The following MYLK variants were observed in gnomAD, a reference collection of about 807,000 sequenced individuals.
MYLK encodes myosin light chain kinase, smooth muscle.
In MYLK, 106 loss-of-function variants were observed where a neutral mutation model predicts 203.4. The observed-to-expected ratio is 0.52, with a 90% CI of 0.45 to 0.61. The LOEUF (loss-of-function observed/expected upper bound fraction) is 0.61. MYLK is among the 20% of genes least tolerant of loss of function. The probability of loss-of-function intolerance (pLI) is 0.00; values close to 1 mark genes in which losing one functional copy is unlikely to be tolerated. For missense variants in MYLK, 2,072 were observed against 2,442.3 expected (o/e 0.85, Z 3.20); for synonymous variants, 867 against 959.5 (o/e 0.90, Z 1.78).
At chr3:123,827,750 A>ATAG (rs1560269132) in intron 3 of MYLK, among the ~76,000 whole-genome samples, 31 of 90,816 alleles carry the variant, frequency 3.4e-4, no homozygotes, top group African/African-American at 9.6e-4. Context: ...TATATATATA[A>ATAG]AGACTCTACC....
intron 3 of MYLK, 132 bp downstream of exon 3, chr3:123,831,416 G>C (rs2148623434): frequency 7.8e-7 from 1 of 1,289,556 alleles, no homozygotes; most frequent in Non-Finnish European, 1.0e-6. Flanking sequence ...AGCTGGCCAG[G>C]TGCCATCTCA....
At chr3:123,769,376 G>A (rs1235491931) in intron 4 of MYLK, among the ~76,000 whole-genome samples, 1 of 152,166 alleles carries the variant, frequency 6.6e-6, no homozygotes, top group Admixed American at 6.5e-5. Flanking sequence ...CAGTAACACG[G>A]GTTATGTTTC....
Position 123,664,211 on chromosome 3 carries a change from G to A in MYLK, c.3879C>T (p.Ser1293=). Residue 1293 remains serine, a synonymous_variant, in exon 23 of 34, where the codon AGC becomes AGT. Transcript: ENST00000360304. ...HMKVENSENG[S]KLTILAARQE... ...GGCGCGCGGCCAGGATGGTGAGCTTGCTGCCATTCTCGCTGTTCTCCACCT... is the reference window on the plus strand; with the variant it reads ...GGCGCGCGGCCAGGATGGTGAGCTTACTGCCATTCTCGCTGTTCTCCACCT... 1 of 1,614,178 alleles carries A rather than the reference G, an allele frequency of 6.2e-7. No homozygotes were observed. Among genetic ancestry groups the A allele is most frequent in the Non-Finnish European group, 8.5e-7 (1 of 1,180,028 alleles).
chr3:123,745,640 G>T (rs892625436), intron 5 of MYLK, among the ~76,000 whole-genome samples: 97 of 152,134 alleles, frequency 6.4e-4, no homozygotes, highest in African/African-American at 2.0e-3. Context: ...TAGTACAGGG[G>T]ATGAAGTACC....
chr3:123,709,611 T>G, intron 14 of MYLK, 145 bp downstream of exon 14: 1 of 1,004,588 alleles, frequency 1.0e-6, no homozygotes, highest in Non-Finnish European at 1.6e-6. Flanking sequence ...AGGACAAGAG[T>G]CTCCATTTCT....
intron 8 of MYLK, 66 bp from the exon 9 acceptor site, chr3:123,735,482 C>A: frequency 6.3e-7 from 1 of 1,579,522 alleles, no homozygotes; most frequent in Non-Finnish European, 8.7e-7. Flanking sequence ...ATTTCCCTCC[C>A]CAGGCACTTC....
In MYLK at chr3:123,649,214, G is replaced by A. The variant is rs1383951134; in HGVS notation, c.4289-20C>T. 6.2e-7 allele frequency: 1 copy of A among 1,611,940 alleles called. No homozygotes were observed. The highest frequency in any genetic ancestry group is 1.3e-5 in the African/African-American group (1 of 74,806). ...TCGGCTCTGGGGGGGGCACAAGGAA[G>A]GACAGAGAGGACACAGGTGATTAGT... On this transcript the variant is annotated intron_variant, in intron 24 of 33. Coordinates refer to ENST00000360304, the MANE Select transcript of MYLK (RefSeq NM_053025.4).
intron 13 of MYLK, among the ~76,000 whole-genome samples, chr3:123,717,839 C>CTTTTTTT (rs10574979): frequency 3.2e-4 from 30 of 94,962 alleles, no homozygotes; most frequent in African/African-American, 1.1e-3. Flanking sequence ...TTGAGGGACT[C>CTTTTTTT]TTTTTTTTTT....
Position 123,737,561 on chromosome 3 carries a change from G to A in MYLK, c.589-18C>T. 6.2e-7 allele frequency: 1 copy of A among 1,613,906 alleles called. No homozygotes were observed. The highest frequency in any genetic ancestry group is 8.5e-7 in the Non-Finnish European group (1 of 1,180,006). On this transcript the variant is annotated intron_variant, in intron 7 of 33. Coordinates refer to ENST00000360304, the MANE Select transcript of MYLK (RefSeq NM_053025.4). ...ACATTTCCCTGTGGATGGCAATGGG[G>A]TAACTTGGTCATACAAATCTGCTCA...
chr3:123,654,259 C>T (rs750272692), intron 24 of MYLK, among the ~76,000 whole-genome samples: 14 of 152,210 alleles, frequency 9.2e-5, no homozygotes, highest in Non-Finnish European at 1.9e-4. Context: ...GTATGTTTCC[C>T]ATTGGTACCC....
intron 4 of MYLK, among the ~76,000 whole-genome samples, chr3:123,765,357 C>A (rs1371379431): frequency 6.6e-6 from 1 of 151,854 alleles, no homozygotes; most frequent in Non-Finnish European, 1.5e-5. Context: ...ATGGTGAAAC[C>A]CCGTCTCTAC....
chr3:123,797,242 A>G (rs2109128195), intron 3 of MYLK, among the ~76,000 whole-genome samples: 1 of 152,358 alleles, frequency 6.6e-6, no homozygotes, highest in Non-Finnish European at 1.5e-5. Flanking sequence ...TATAGCATCT[A>G]TAGCATTTAT....
intron 3 of MYLK, among the ~76,000 whole-genome samples, chr3:123,801,736 T>C (rs1001959677): frequency 3.9e-5 from 6 of 152,242 alleles, no homozygotes; most frequent in Non-Finnish European, 7.3e-5. Flanking sequence ...GCTATACCCA[T>C]GTTGCTGCAA....
intron 20 of MYLK, among the ~76,000 whole-genome samples, chr3:123,673,146 T>A (rs1339448711): frequency 7.9e-6 from 1 of 125,962 alleles, no homozygotes; most frequent in African/African-American, 2.5e-5. Flanking sequence ...GTGCAGCATG[T>A]TCTTTTTTTC....
rs886057869 is a variant in MYLK at position 123,884,248 on chromosome 3, G to C, written c.-228C>G. 79 of 149,472 alleles carry C rather than the reference G, an allele frequency of 5.3e-4. No homozygotes were observed. The Middle Eastern group carries it at 0.01, about 19-fold the overall frequency. The allele number at this position is 149,472 out of a possible 1,614,324, so 9.3% of individuals were successfully genotyped here. ...CCCGGGAGCCGGGGCACCGGCGCTCGGCGGGGCGCCCCGGCCGCAGGCGCA... is the reference window on the plus strand; with the variant it reads ...CCCGGGAGCCGGGGCACCGGCGCTCCGCGGGGCGCCCCGGCCGCAGGCGCA... On this transcript the variant is annotated 5_prime_UTR_variant, in exon 1 of 34. Coordinates refer to ENST00000360304, the MANE Select transcript of MYLK (RefSeq NM_053025.4).
intron 2 of MYLK, among the ~76,000 whole-genome samples, chr3:123,844,789 T>C (rs2066672311): frequency 6.6e-6 from 1 of 150,950 alleles, no homozygotes; most frequent in Non-Finnish European, 1.5e-5. Context: ...TGTGTCACCA[T>C]TTCTGGGTAA....
At chr3:123,792,799 T>C (rs561071871) in intron 4 of MYLK, among the ~76,000 whole-genome samples, 51 of 152,096 alleles carry the variant, frequency 3.4e-4, no homozygotes, top group Non-Finnish European at 5.3e-4. Context: ...ATCACTAACA[T>C]CCCCAACAAT....
At position 123,733,773 on chromosome 3, in the gene MYLK, T is replaced by C. The variant is rs2062573906; in HGVS notation, c.1223A>G (p.Gln408Arg). ...AANRRIPMEG[Q>R]RDSAFPKFES... ...AAATTTGGGGAATGCTGAATCCCTCTGGCCCTCCATGGGGATTCTCCTGTT... is the reference window on the plus strand; with the variant it reads ...AAATTTGGGGAATGCTGAATCCCTCCGGCCCTCCATGGGGATTCTCCTGTT... Residue 408 changes from glutamine to arginine, a missense_variant, in exon 10 of 34, where the codon CAG (glutamine) becomes CGG (arginine). Coordinates refer to ENST00000360304, the MANE Select transcript of MYLK (RefSeq NM_053025.4). 2 of 1,614,118 alleles carry C rather than the reference T, an allele frequency of 1.2e-6. No individual in the cohort carries two copies. Among genetic ancestry groups the C allele is most frequent in the Admixed American group, 1.7e-5 (1 of 60,012 alleles).
At chr3:123,748,008 T>C (rs1191489497) in intron 5 of MYLK, among the ~76,000 whole-genome samples, 2 of 152,222 alleles carry the variant, frequency 1.3e-5, no homozygotes, top group Non-Finnish European at 2.9e-5. Context: ...CGCATTGTTA[T>C]AAATACCTGA....
Sources: allele counts gnomAD v4.1 joint callset (sites outside exome capture counted in the v4.1 genomes callset), GRCh38; gene constraint gnomAD v4.1.1; transcripts MANE v1.5; gene names NCBI Gene and HGNC (gene_info 2026-07-23, HGNC 2026-07-21).